SARDH: variants seen among roughly 807,000 people sequenced by gnomAD.
SARDH encodes the protein sarcosine dehydrogenase, also known as sarcosine dehydrogenase, mitochondrial.
In SARDH, 95 loss-of-function variants were observed where a neutral mutation model predicts 109.1. That is an observed-to-expected ratio of 0.87 (90% CI 0.74 to 1.03). The LOEUF (loss-of-function observed/expected upper bound fraction) is 1.03. Ranked by LOEUF, SARDH falls within the 50% of genes least tolerant of loss-of-function variation. The pLI is 0.00. For synonymous variants in SARDH, 572 were observed against 534.8 expected (o/e 1.07, Z -0.96); for missense variants, 1,267 against 1,287.8 (o/e 0.98, Z 0.25).
At chr9:133,715,851 C>A (rs1191801679) in intron 8 of SARDH, among the ~76,000 whole-genome samples, 1 of 152,226 alleles carries the variant, frequency 6.6e-6, no homozygotes, top group African/African-American at 2.4e-5. Flanking sequence ...TGCACCTACT[C>A]CAGAGGGCAC....
chr9:133,687,291 G>C (rs1294508444), intron 16 of SARDH, among the ~76,000 whole-genome samples: 1 of 152,136 alleles, frequency 6.6e-6, no homozygotes, highest in Non-Finnish European at 1.5e-5. Flanking sequence ...ATTTTGGCTT[G>C]AGACAAGGTC....
intron 17 of SARDH, among the ~76,000 whole-genome samples, chr9:133,681,407 C>T (rs1472135002): frequency 2.0e-5 from 3 of 152,212 alleles, no homozygotes; most frequent in Non-Finnish European, 4.4e-5. Context: ...GCCATCTTTG[C>T]GGGACTCTCG....
intron 14 of SARDH, among the ~76,000 whole-genome samples, chr9:133,694,905 G>C (rs188650212): frequency 6.6e-5 from 10 of 152,148 alleles, no homozygotes; most frequent in Admixed American, 5.9e-4. Context: ...CTGGTGGATG[G>C]GTGGATGCAA....
At chr9:133,677,555 A>C (rs143324339) in intron 17 of SARDH, among the ~76,000 whole-genome samples, 128 of 152,072 alleles carry the variant, frequency 8.4e-4, no homozygotes, top group African/African-American at 2.9e-3. Context: ...GCTACAGGGG[A>C]CCTCTCCACC....
downstream of SARDH, among the ~76,000 whole-genome samples, chr9:133,662,854 C>CG (rs1472623787): frequency 1.3e-5 from 2 of 152,124 alleles, no homozygotes; most frequent in African/African-American, 4.8e-5. This position sits in a 1 kb window ranked among gnomAD's most constrained non-coding sequence, Gnocchi z 5.1. Flanking sequence ...AACCTGGGCT[C>CG]GGGGGGACAA....
chr9:133,705,011 G>C lies in SARDH; in HGVS notation c.1491C>G (p.Cys497Trp). ...PLHEELLGQG[C>W]VFQERHGWER... ...CCCAGCCATGCCGCTCCTGGAACAC[G>C]CAGCCTTGTCCAAGGAGTTCCTGAG... The change falls in exon 12 of 21, where the codon TGC becomes TGG. Residue 497 changes from cysteine (C) to tryptophan (W), a missense_variant. Cys to Trp is a radical substitution (Grantham distance 215). Transcript: ENST00000439388. The C allele has an allele frequency of 6.3e-7, 1 of 1,592,074 alleles. No individual in the cohort carries two copies. Among genetic ancestry groups the C allele is most frequent in the Non-Finnish European group, 8.5e-7 (1 of 1,170,326 alleles).
At chr9:133,725,686 A>C (rs968208954) in intron 6 of SARDH, 1 of 256,498 alleles carries the variant, frequency 3.9e-6, no homozygotes, top group African/African-American at 2.3e-5. Context: ...AAAAAAAACA[A>C]AACAAAACAA....
chr9:133,660,158 C>T (rs1378353018), downstream of SARDH, among the ~76,000 whole-genome samples: 1 of 151,428 alleles, frequency 6.6e-6, no homozygotes, highest in African/African-American at 2.4e-5. Flanking sequence ...TCCAGCAGTA[C>T]CCGCACCTCC....
At chr9:133,669,670 G>A (rs1463300841) in intron 19 of SARDH, among the ~76,000 whole-genome samples, 2 of 152,152 alleles carry the variant, frequency 1.3e-5, no homozygotes, top group Non-Finnish European at 2.9e-5. Flanking sequence ...TCGCCCCCAG[G>A]CAGAGTCTCT....
At chr9:133,694,436 T>C in intron 14 of SARDH, 65 bp from the exon 15 acceptor site, 1 of 1,330,650 alleles carries the variant, frequency 7.5e-7, no homozygotes, top group Non-Finnish European at 1.1e-6. Flanking sequence ...CTGCCTCAGT[T>C]TCCCCAGGGC....
intron 15 of SARDH, among the ~76,000 whole-genome samples, chr9:133,690,937 C>G (rs1831069099): frequency 6.6e-6 from 1 of 152,164 alleles, no homozygotes; most frequent in African/African-American, 2.4e-5. Context: ...CCCACAACAT[C>G]TGGCCCCACA....
rs1456555648 is a variant in SARDH, at chr9:133,718,758, C to T, written c.1020+180G>A. The T allele has an allele frequency of 2.6e-6, 2 of 781,538 alleles. No individual in the cohort carries two copies. The highest frequency in any genetic ancestry group is 2.4e-5 in the East Asian group (1 of 40,878). 48.4% of individuals were successfully genotyped at this position (781,538 alleles called of 1,614,324 possible). A position where few individuals can be genotyped will look rare whatever the true frequency, so the allele number is the denominator to read the frequency against. ...CTGCCCTGGGTCTGTATTTGACTGCCTGCCAGGACCGTCAGGGTAAGAGCA... is the reference window on the plus strand; with the variant it reads ...CTGCCCTGGGTCTGTATTTGACTGCTTGCCAGGACCGTCAGGGTAAGAGCA... On this transcript the variant is annotated intron_variant, in intron 7 of 20. Transcript: ENST00000439388. The surrounding 1 kb of genome is among the most constrained non-coding windows in gnomAD (Gnocchi z 4.2).
chr9:133,717,528 T>C, intron 7 of SARDH, 73 bp from the exon 8 acceptor site: 1 of 1,583,668 alleles, frequency 6.3e-7, no homozygotes, highest in Non-Finnish European at 8.6e-7. Context: ...AAACCTGCCT[T>C]GTGATGGCTG....
At chr9:133,673,807 C>T (rs913746715) in intron 17 of SARDH, among the ~76,000 whole-genome samples, 2 of 152,190 alleles carry the variant, frequency 1.3e-5, no homozygotes, top group African/African-American at 4.8e-5. Context: ...TTTTAAAGTG[C>T]ACCTATGCAC....
chr9:133,700,066 C>T (rs1027925349), intron 13 of SARDH, among the ~76,000 whole-genome samples: 2 of 152,174 alleles, frequency 1.3e-5, no homozygotes, highest in African/African-American at 2.4e-5. Flanking sequence ...GTGGCTCATG[C>T]CTGTAATCCC....
rs879604995 is a variant in SARDH at position 133,694,272 on chromosome 9, G to A, written c.1907C>T (p.Ala636Val). The change falls in exon 15 of 21, where the codon GCC becomes GTC. Residue 636 changes from alanine (A) to valine (V), a missense_variant. Transcript: ENST00000439388. ...GCATCCCATACCTTCAAAGGCGGGG[G>A]CCAGCGGGGAGGCCTGGTGGCTGGG... ...LAPSHQASPLAPAFEGDGYYL... is the reference protein window; with the variant it reads ...LAPSHQASPLVPAFEGDGYYL... 4.5e-6 allele frequency: 7 copies of A among 1,548,952 alleles called. No individual in the cohort carries two copies. Among genetic ancestry groups the A allele is most frequent in the African/African-American group, 1.4e-5 (1 of 73,006 alleles).
chr9:133,719,044 T>G lies in SARDH; in HGVS notation c.916-2A>C, dbSNP rs765359476. The G allele has an allele frequency of 1.1e-5, 17 of 1,613,744 alleles. No homozygotes were observed. Among genetic ancestry groups the G allele is most frequent in the Non-Finnish European group, 1.3e-5 (15 of 1,179,644 alleles). ...ATGATCACGGACATTGGGCATGTTCTGGAAGGCAGAGAGAGAGGCCTTGGC... is the reference window on the plus strand; with the variant it reads ...ATGATCACGGACATTGGGCATGTTCGGGAAGGCAGAGAGAGAGGCCTTGGC... On this transcript the variant is annotated splice_acceptor_variant, in intron 6 of 20. Transcript: ENST00000439388. LOFTEE classifies it high-confidence loss of function.
intron 19 of SARDH, among the ~76,000 whole-genome samples, chr9:133,668,351 C>G (rs1372940266): frequency 9.9e-5 from 12 of 120,944 alleles, no homozygotes; most frequent in East Asian, 5.2e-4. Flanking sequence ...TTCTCCCTCA[C>G]CCTCCCTCTC....
At chr9:133,716,715 T>C (rs985056164) in intron 8 of SARDH, among the ~76,000 whole-genome samples, 2 of 152,198 alleles carry the variant, frequency 1.3e-5, no homozygotes, top group Non-Finnish European at 2.9e-5. Flanking sequence ...TAAGTTCTCC[T>C]GGGGCTAGCA....
Sources: gnomAD v4.1 joint callset for allele counts (sites outside exome capture counted in the v4.1 genomes callset) on GRCh38, gnomAD v4.1.1 for gene constraint, Gnocchi (gnomAD v3.1) non-coding constraint, MANE v1.5 for transcripts, NCBI Gene and HGNC (gene_info 2026-07-23, HGNC 2026-07-21) for gene names.